KLHL3: variants seen among roughly 807,000 people sequenced by gnomAD.
KLHL3 encodes kelch like family member 3, also known as kelch-like protein 3.
In KLHL3, 19 loss-of-function variants were observed where a neutral mutation model predicts 70.5. The ratio of observed to expected loss-of-function variants is 0.27; its 90% CI spans 0.19 to 0.40. The LOEUF (loss-of-function observed/expected upper bound fraction) is 0.40. KLHL3 is among the 10% of genes least tolerant of loss of function. The probability of loss-of-function intolerance (pLI) is 1.00; values close to 1 mark genes in which losing one functional copy is unlikely to be tolerated. For synonymous variants in KLHL3, 258 were observed against 290.3 expected (o/e 0.89, Z 1.13); for missense variants, 512 against 771.1 (o/e 0.66, Z 3.98).
In KLHL3 at chr5:137,621,933, T is replaced by C. The variant is rs1387184720; in HGVS notation, c.*165A>G. 5 of 741,272 alleles carry C rather than the reference T, an allele frequency of 6.7e-6. No homozygotes were observed. The highest frequency in any genetic ancestry group is 2.0e-5 in the Admixed American group (1 of 49,116). 45.9% of individuals were successfully genotyped at this position (741,272 alleles called of 1,614,324 possible). Reference sequence around the variant, plus strand: ...AGGGGAACGGGGGTGGGTAATGGTGTCCACACTGCGATGAACAACACCAGT... The same window carrying C: ...AGGGGAACGGGGGTGGGTAATGGTGCCCACACTGCGATGAACAACACCAGT... On this transcript the variant is annotated 3_prime_UTR_variant, in exon 15 of 15. Transcript: ENST00000309755.
At chr5:137,700,511 G>A (rs1580772765) in intron 3 of KLHL3, among the ~76,000 whole-genome samples, 1 of 152,184 alleles carries the variant, frequency 6.6e-6, no homozygotes, top group South Asian at 2.1e-4. Flanking sequence ...TAAATAAATG[G>A]AAACGCCTGG....
At chr5:137,681,048 A>T (rs985107490) in intron 5 of KLHL3, among the ~76,000 whole-genome samples, 1 of 152,138 alleles carries the variant, frequency 6.6e-6, no homozygotes, top group Non-Finnish European at 1.5e-5. Flanking sequence ...GGGACTGCAG[A>T]TCCTATGGGC....
At chr5:137,680,117 T>C (rs141685916) in intron 5 of KLHL3, among the ~76,000 whole-genome samples, 52 of 152,324 alleles carry the variant, frequency 3.4e-4, no homozygotes, top group African/African-American at 1.1e-3. Flanking sequence ...CAGAAGACTT[T>C]GTATTCCAGT....
chr5:137,660,879 T>G (rs1346715355), intron 7 of KLHL3: 5 of 152,350 alleles, frequency 3.3e-5, no homozygotes. Flanking sequence ...TTAAAAAGGT[T>G]AAGCATGTAC....
intron 1 of KLHL3, among the ~76,000 whole-genome samples, chr5:137,723,111 T>G (rs1445399459): frequency 6.6e-6 from 1 of 152,272 alleles, no homozygotes; most frequent in Non-Finnish European, 1.5e-5. Context: ...CAAAGAGATT[T>G]CTTTCTTGAC....
intron 2 of KLHL3, among the ~76,000 whole-genome samples, chr5:137,716,460 G>A (rs1752895159): frequency 6.6e-6 from 1 of 152,130 alleles, no homozygotes; most frequent in Non-Finnish European, 1.5e-5. Flanking sequence ...AGGCTGGGAA[G>A]CACAGCCTCC....
intron 5 of KLHL3, among the ~76,000 whole-genome samples, chr5:137,691,201 C>T (rs1018181362): frequency 3.3e-5 from 5 of 152,112 alleles, no homozygotes; most frequent in Non-Finnish European, 5.9e-5. Flanking sequence ...AGTGGTAGAA[C>T]CATACACTAT....
At chr5:137,659,175 A>C (rs1751414021) in intron 7 of KLHL3, among the ~76,000 whole-genome samples, 1 of 152,220 alleles carries the variant, frequency 6.6e-6, no homozygotes, top group African/African-American at 2.4e-5. Flanking sequence ...CACTGATTGA[A>C]TGTCTCCTGG....
intron 2 of KLHL3, among the ~76,000 whole-genome samples, chr5:137,719,621 A>T (rs1752959142): frequency 6.6e-6 from 1 of 152,200 alleles, no homozygotes; most frequent in African/African-American, 2.4e-5. Context: ...TTGGCCTTAC[A>T]AATAGCCTGT....
chr5:137,622,221 G>T, intron 14 of KLHL3, 95 bp from the exon 15 acceptor site: 3 of 1,426,840 alleles, frequency 2.1e-6, no homozygotes, highest in Non-Finnish European at 3.0e-6. Flanking sequence ...CTGAGTCACA[G>T]CCAAGGGAAA....
At chr5:137,704,483 A>G (rs1432343133) in intron 3 of KLHL3, among the ~76,000 whole-genome samples, 1 of 152,152 alleles carries the variant, frequency 6.6e-6, no homozygotes, top group Non-Finnish European at 1.5e-5. Context: ...CGGCATTACC[A>G]CACTTGTGTT....
At position 137,634,156 on chromosome 5, in the gene KLHL3, T is replaced by C; in HGVS notation, c.1331A>G (p.Tyr444Cys). The change falls in exon 12 of 15, where the codon TAT becomes TGT. Residue 444 changes from tyrosine to cysteine, a missense_variant. Physicochemically the swap from Tyr to Cys is radical, Grantham distance 194. Coordinates refer to ENST00000309755, the MANE Select transcript of KLHL3 (RefSeq NM_017415.3). Reference sequence around the variant, plus strand: ...AGCTCCATCATAACCCCCAACAGCATATAGCTTCCCTGCAATAGACAAAGT... The same window carrying C: ...AGCTCCATCATAACCCCCAACAGCACATAGCTTCCCTGCAATAGACAAAGT... ...VGVGVVEGKL[Y>C]AVGGYDGASR... 3 of 1,609,320 alleles carry C rather than the reference T, an allele frequency of 1.9e-6. No homozygotes were observed. Among genetic ancestry groups the C allele is most frequent in the African/African-American group, 1.3e-5 (1 of 74,882 alleles).
intron 1 of KLHL3, 115 bp downstream of exon 1, chr5:137,735,518 G>A (rs2149942193): frequency 1.2e-6 from 1 of 808,530 alleles, no homozygotes; most frequent in African/African-American, 1.7e-5. Context: ...ATCCATCAGT[G>A]GCCAGGTCTT....
Position 137,685,728 on chromosome 5 carries a change from A to C in KLHL3, c.526+6557T>G, listed in dbSNP as rs557774648. The stretch of plus-strand genomic sequence containing the variant: ...TGTCTTGTTATGTTACCCAGGCTGG[A>C]TTCAAATTCCGTGGCTCAAGCTACA... On this transcript the variant is annotated intron_variant, in intron 5 of 14. Coordinates refer to ENST00000309755, the MANE Select transcript of KLHL3 (RefSeq NM_017415.3). 7.0e-4 allele frequency among the ~76,000 whole-genome samples: 106 copies of C among 152,288 alleles called. No individual in the cohort carries two copies. The Middle Eastern group carries it at 0.014, about 20-fold the overall frequency.
chr5:137,678,552 C>T (rs1262957565), intron 5 of KLHL3, among the ~76,000 whole-genome samples: 2 of 152,170 alleles, frequency 1.3e-5, no homozygotes, highest in African/African-American at 4.8e-5. Flanking sequence ...ATCTCCTAGG[C>T]TCAAGTGATC....
chr5:137,732,113 T>C (rs1753187936), intron 1 of KLHL3, among the ~76,000 whole-genome samples: 1 of 152,222 alleles, frequency 6.6e-6, no homozygotes, highest in African/African-American at 2.4e-5. Flanking sequence ...TTTCCAGAAC[T>C]GAAATAAAAT....
chr5:137,637,245 G>T, intron 11 of KLHL3, 49 bp downstream of exon 11: 1 of 1,490,502 alleles, frequency 6.7e-7, no homozygotes. Context: ...CCCAGGACAA[G>T]GCCCGTGGGC....
intron 14 of KLHL3, 107 bp downstream of exon 14, chr5:137,625,646 C>T: frequency 1.9e-5 from 25 of 1,346,152 alleles, no homozygotes; most frequent in Non-Finnish European, 2.5e-5. Context: ...GCACTCAGGC[C>T]CAAGTTAAGC....
At chr5:137,662,599 A>C (rs1366429045) in intron 6 of KLHL3, among the ~76,000 whole-genome samples, 2 of 152,166 alleles carry the variant, frequency 1.3e-5, no homozygotes, top group African/African-American at 2.4e-5. Flanking sequence ...GAGAGATTTC[A>C]TTTCTATGCA....
Sources: gnomAD v4.1 joint callset for allele counts (sites outside exome capture counted in the v4.1 genomes callset) on GRCh38, gnomAD v4.1.1 for gene constraint, MANE v1.5 for transcripts, NCBI Gene and HGNC (gene_info 2026-07-23, HGNC 2026-07-21) for gene names.